The following STXBP5 variants were observed in gnomAD, a reference collection of about 807,000 sequenced individuals.
STXBP5 encodes the protein syntaxin binding protein 5.
Under a neutral mutation model 152.4 loss-of-function variants are expected in STXBP5, and 50 were observed. The ratio of observed to expected loss-of-function variants is 0.33; its 90% confidence interval spans 0.26 to 0.42. The LOEUF is 0.42. Ranked by LOEUF, STXBP5 falls within the 10% of genes least tolerant of loss-of-function variation. STXBP5 has a pLI of 1.00. For missense variants in STXBP5, 1,167 were observed against 1,388.6 expected (o/e 0.84, Z 2.54); for synonymous variants, 492 against 494.7 (o/e 0.99, Z 0.07).
intron 25 of STXBP5, 119 bp from the exon 26 acceptor site, chr6:147,373,612 T>G: frequency 1.5e-6 from 1 of 672,706 alleles, no homozygotes; most frequent in Non-Finnish European, 2.6e-6. Context: ...ACTCATTAAT[T>G]GTGAATCTCA....
chr6:147,280,638 A>G (rs1780658165), intron 8 of STXBP5, among the ~76,000 whole-genome samples: 2 of 152,194 alleles, frequency 1.3e-5, no homozygotes, highest in African/African-American at 4.8e-5. Flanking sequence ...TGGTTGCCAA[A>G]TAATGATTGT....
At chr6:147,209,213 TA>T (rs1324622948) in intron 2 of STXBP5, among the ~76,000 whole-genome samples, 4 of 152,272 alleles carry the variant, frequency 2.6e-5, no homozygotes, top group African/African-American at 9.6e-5. Flanking sequence ...TGAACTTGTG[TA>T]AAAATTTGAG....
chr6:147,374,084 C>G (rs570690545), intron 26 of STXBP5, among the ~76,000 whole-genome samples: 1 of 152,234 alleles, frequency 6.6e-6, no homozygotes, highest in East Asian at 1.9e-4. Flanking sequence ...GTATTCACAA[C>G]TTTAAGTAAA....
At chr6:147,300,504 CTG>C (rs1562471830) in intron 9 of STXBP5, among the ~76,000 whole-genome samples, 1 of 152,034 alleles carries the variant, frequency 6.6e-6, no homozygotes, top group Non-Finnish European at 1.5e-5. Flanking sequence ...AGAAATAAAT[CTG>C]TGTATCTATA....
chr6:147,253,453 C>T (rs973612844), intron 4 of STXBP5, among the ~76,000 whole-genome samples: 3 of 152,024 alleles, frequency 2.0e-5, no homozygotes, highest in African/African-American at 4.8e-5. Flanking sequence ...AAGTTCTGGC[C>T]GAGGCAGTCA....
At chr6:147,246,598 C>T (rs960673195) in intron 4 of STXBP5, among the ~76,000 whole-genome samples, 1 of 151,910 alleles carries the variant, frequency 6.6e-6, no homozygotes, top group African/African-American at 2.4e-5. Flanking sequence ...TTTCTAAAGA[C>T]GTATGTTTTT....
At chr6:147,205,043 G>C (rs751040200) in intron 1 of STXBP5, among the ~76,000 whole-genome samples, 39 of 152,034 alleles carry the variant, frequency 2.6e-4, no homozygotes, top group Non-Finnish European at 4.3e-4. Context: ...GTTTCCTTTG[G>C]AAACGGTGTC....
At chr6:147,382,664 T>G (rs979325671) in intron 26 of STXBP5, 114 bp from the exon 27 acceptor site, 1 of 1,034,296 alleles carries the variant, frequency 9.7e-7, no homozygotes, top group Non-Finnish European at 1.4e-6. Context: ...CTTTATAATT[T>G]TATTTCAGTT....
intron 16 of STXBP5, among the ~76,000 whole-genome samples, chr6:147,321,381 G>A (rs966840750): frequency 1.3e-5 from 2 of 152,116 alleles, no homozygotes; most frequent in African/African-American, 4.8e-5. Flanking sequence ...GAGACCAGGA[G>A]TTCAAGACCA....
At chr6:147,365,260 G>C (rs2128414824) in intron 25 of STXBP5, among the ~76,000 whole-genome samples, 1 of 152,198 alleles carries the variant, frequency 6.6e-6, no homozygotes, top group Middle Eastern at 3.4e-3. Flanking sequence ...ATTTATGTTT[G>C]GGTGAAAGTT....
intron 25 of STXBP5, among the ~76,000 whole-genome samples, chr6:147,367,783 T>C (rs1785361058): frequency 6.6e-6 from 1 of 151,960 alleles, no homozygotes; most frequent in Admixed American, 6.6e-5. Context: ...TCTCAAGCCA[T>C]ATGAAGAAAG....
intron 8 of STXBP5, among the ~76,000 whole-genome samples, chr6:147,287,734 A>G (rs1052685156): frequency 2.0e-5 from 3 of 152,150 alleles, no homozygotes; most frequent in Admixed American, 6.5e-5. Context: ...TGCAGCTACC[A>G]TCTTTGTACA....
intron 3 of STXBP5, 121 bp from the exon 4 acceptor site, chr6:147,239,049 A>G: frequency 1.2e-6 from 1 of 807,196 alleles, no homozygotes; most frequent in South Asian, 2.2e-5. Context: ...TGTTTCTTAG[A>G]TCTAAATCTG....
chr6:147,251,370 G>A (rs1236153840), intron 4 of STXBP5, among the ~76,000 whole-genome samples: 1 of 152,162 alleles, frequency 6.6e-6, no homozygotes, highest in African/African-American at 2.4e-5. Context: ...CGGCCGTTTG[G>A]GCAGATACCG....
intron 9 of STXBP5, among the ~76,000 whole-genome samples, chr6:147,306,838 C>T (rs894476922): frequency 6.6e-6 from 1 of 152,222 alleles, no homozygotes; most frequent in Non-Finnish European, 1.5e-5. Context: ...TGCTGTCTCA[C>T]TATCGCTCCT....
chr6:147,315,798 A>G, intron 15 of STXBP5, 63 bp downstream of exon 15: 8 of 1,500,068 alleles, frequency 5.3e-6, no homozygotes, highest in Non-Finnish European at 7.4e-6. Context: ...AAATTTGTGG[A>G]TGATTTGGAA....
chr6:147,231,784 CACTT>C (rs1246437152), intron 2 of STXBP5, among the ~76,000 whole-genome samples: 5 of 151,902 alleles, frequency 3.3e-5, no homozygotes, highest in Admixed American at 1.3e-4. Flanking sequence ...AAGTGGAAAT[CACTT>C]ACTAAGCAGA....
chr6:147,339,194 A>G lies in STXBP5; in HGVS notation c.2162A>G (p.His721Arg). The part of the protein sequence containing the change: ...KSPTSGSSSP[H>R]NSDDEQKMNN... ...ATTTGTGTAGGTTCTTCATCACCAC[A>G]CAATTCAGATGATGAACAAAAAATG... Residue 721 changes from histidine to arginine, a missense_variant, in exon 20 of 28, where the codon CAC becomes CGC. His to Arg is a conservative substitution (Grantham distance 29). Transcript: ENST00000321680. 1.3e-6 allele frequency: 2 copies of G among 1,541,258 alleles called. No individual in the cohort carries two copies. The highest frequency in any genetic ancestry group is 1.7e-6 in the Non-Finnish European group (2 of 1,143,584).
chr6:147,237,047 A>AT (rs1490610875), intron 3 of STXBP5, among the ~76,000 whole-genome samples: 1 of 152,008 alleles, frequency 6.6e-6, no homozygotes, highest in African/African-American at 2.4e-5. Flanking sequence ...AAGTGTTGGG[A>AT]TTGTAGGTGT....
Sources: allele counts gnomAD v4.1 joint callset (sites outside exome capture counted in the v4.1 genomes callset), GRCh38; gene constraint gnomAD v4.1.1; transcripts MANE v1.5; gene names NCBI Gene and HGNC (gene_info 2026-07-23, HGNC 2026-07-21).